The following NNT variants were observed in gnomAD, a reference collection of about 807,000 sequenced individuals.
NNT encodes nicotinamide nucleotide transhydrogenase, also known as NAD(P) transhydrogenase, mitochondrial.
NNT carries 50 observed loss-of-function variants against 104.8 expected under a neutral mutation model. The ratio of observed to expected loss-of-function variants is 0.48; its 90% CI spans 0.38 to 0.60. The LOEUF is 0.60. Ranked by LOEUF, NNT falls within the 20% of genes least tolerant of loss-of-function variation. The pLI, the probability that NNT is intolerant of heterozygous loss-of-function variation, is 0.00. For missense variants in NNT, 1,131 were observed against 1,330.7 expected, an observed-to-expected ratio of 0.85 and a Z score of 2.33; for synonymous variants, 461 against 490.4, an observed-to-expected ratio of 0.94 and a Z score of 0.79.
intron 19 of NNT, among the ~76,000 whole-genome samples, chr5:43,699,046 T>C (rs1468910051): frequency 6.6e-6 from 1 of 152,070 alleles, no homozygotes; most frequent in African/African-American, 2.4e-5. Flanking sequence ...ATTCACTTCT[T>C]ATGGAGCCCT....
At chr5:43,604,297 G>A (rs117388859) in intron 1 of NNT, among the ~76,000 whole-genome samples, 2 of 152,288 alleles carry the variant, frequency 1.3e-5, no homozygotes, top group East Asian at 1.9e-4. Flanking sequence ...TGGGGCTTAG[G>A]TGCCTACCTA....
chr5:43,651,817 T>C lies in NNT; in HGVS notation c.1796T>C (p.Leu599Pro). The change falls in exon 13 of 22, where the codon CTG becomes CCG. Residue 599 changes from leucine to proline, a missense_variant. Physicochemically the swap from Leu to Pro is moderately conservative, Grantham distance 98. Transcript: ENST00000344920. ...CCCCCAGAATACAACTACCTGTACC[T>C]GCTCCCTGCCGGCACCTTTGTTGGT... ...TDPPEYNYLY[L>P]LPAGTFVGGY... is the part of the protein sequence containing the mutation. 1 of 1,614,202 alleles carries C rather than the reference T, an allele frequency of 6.2e-7. No homozygotes were observed. The highest frequency in any genetic ancestry group is 8.5e-7 in the Non-Finnish European group (1 of 1,180,028).
At chr5:43,639,257 A>T (rs1299295901) in intron 7 of NNT, among the ~76,000 whole-genome samples, 1 of 152,208 alleles carries the variant, frequency 6.6e-6, no homozygotes, top group Non-Finnish European at 1.5e-5. Flanking sequence ...TTATTGAGAA[A>T]ATACATGGTT....
chr5:43,671,066 T>C (rs1253476145), intron 17 of NNT, among the ~76,000 whole-genome samples: 1 of 152,230 alleles, frequency 6.6e-6, no homozygotes, highest in Non-Finnish European at 1.5e-5. Context: ...TTGATATTTG[T>C]TGGTTTAAAG....
intron 3 of NNT, among the ~76,000 whole-genome samples, chr5:43,614,275 C>T (rs527323709): frequency 2.0e-5 from 3 of 152,178 alleles, no homozygotes; most frequent in Non-Finnish European, 4.4e-5. Context: ...AATCCTATAA[C>T]ATAGAATATT....
chr5:43,653,875 A>G (rs1739901017), intron 14 of NNT, among the ~76,000 whole-genome samples: 1 of 152,014 alleles, frequency 6.6e-6, no homozygotes, highest in African/African-American at 2.4e-5. Context: ...TAATCGCTTG[A>G]ACCTGGGATG....
At chr5:43,700,352 C>T in intron 20 of NNT, 115 bp downstream of exon 20, 2 of 655,262 alleles carry the variant, frequency 3.1e-6, no homozygotes, top group Non-Finnish European at 5.3e-6. Flanking sequence ...TGAAAAAGAA[C>T]TTGTACATGG....
At chr5:43,666,745 C>G (rs1740717269) in intron 17 of NNT, 2 of 1,237,260 alleles carry the variant, frequency 1.6e-6, no homozygotes, top group Non-Finnish European at 2.2e-6. Flanking sequence ...GTCCTTCTGT[C>G]CTCACGTTGG....
chr5:43,612,145 A>G (rs1049569153), intron 2 of NNT, among the ~76,000 whole-genome samples: 10 of 152,118 alleles, frequency 6.6e-5, no homozygotes, highest in African/African-American at 4.8e-5. Flanking sequence ...ATTACCTCAT[A>G]GCTGTGCTTA....
chr5:43,662,258 C>G (rs1740409975), intron 17 of NNT, among the ~76,000 whole-genome samples: 1 of 152,094 alleles, frequency 6.6e-6, no homozygotes, highest in African/African-American at 2.4e-5. Context: ...GTTATAGCAA[C>G]CATAGTAAGT....
intron 17 of NNT, among the ~76,000 whole-genome samples, chr5:43,669,757 C>T (rs1055289225): frequency 5.3e-5 from 8 of 152,076 alleles, no homozygotes; most frequent in Admixed American, 2.6e-4. Flanking sequence ...TTTGTTGTGT[C>T]TCTGTCAGGC....
At chr5:43,680,657 A>G (rs1741656296) in intron 19 of NNT, among the ~76,000 whole-genome samples, 1 of 152,140 alleles carries the variant, frequency 6.6e-6, no homozygotes, top group South Asian at 2.1e-4. Context: ...GTTTTCCTTT[A>G]CTTTGCCCAT....
chr5:43,645,293 C>G, intron 9 of NNT, 64 bp from the exon 10 acceptor site: 1 of 1,093,414 alleles, frequency 9.1e-7, no homozygotes, highest in South Asian at 3.1e-5. Flanking sequence ...ATAGTATATT[C>G]CTTAAGCAAT....
intron 14 of NNT, chr5:43,653,723 T>C (rs1739891776): frequency 6.6e-6 from 1 of 152,294 alleles, no homozygotes; most frequent in Non-Finnish European, 1.5e-5. Flanking sequence ...GGGAGGCTGA[T>C]GTGGGTGGAT....
In NNT at chr5:43,612,944, A is replaced by T. The variant is rs35201656; in HGVS notation, c.188A>T (p.Lys63Ile). The T allele has an allele frequency of 1.2e-6, 2 of 1,613,950 alleles. No individual in the cohort carries two copies. The highest frequency in any genetic ancestry group is 2.2e-5 in the South Asian group (2 of 91,072). Residue 63 changes from lysine to isoleucine, a missense_variant, in exon 3 of 22, where the codon AAA becomes ATA. Lys to Ile is a moderately radical substitution (Grantham distance 102). Transcript: ENST00000344920. ...AAGCAACTGACTGTTGGAGTCCCCA[A>T]AGAGATATTCCAAAATGAGAAGCGA... Reference protein sequence around the residue: ...PYKQLTVGVPKEIFQNEKRVA... With the variant: ...PYKQLTVGVPIEIFQNEKRVA...
intron 7 of NNT, among the ~76,000 whole-genome samples, chr5:43,637,330 A>T (rs1045199810): frequency 1.3e-5 from 2 of 152,162 alleles, no homozygotes; most frequent in African/African-American, 2.4e-5. Context: ...TTATTCTCAC[A>T]TGCATACATA....
At chr5:43,665,206 T>TTTTA (rs752285609) in intron 17 of NNT, among the ~76,000 whole-genome samples, 132 of 149,580 alleles carry the variant, frequency 8.8e-4, no homozygotes, top group African/African-American at 2.8e-3. Flanking sequence ...TTTTCTGGTA[T>TTTTA]TTTATTTATT....
intron 17 of NNT, among the ~76,000 whole-genome samples, chr5:43,671,555 C>G (rs1741090915): frequency 6.6e-6 from 1 of 152,280 alleles, no homozygotes; most frequent in East Asian, 1.9e-4. Flanking sequence ...CTTAGTTTGG[C>G]TGGATATGAA....
intron 17 of NNT, among the ~76,000 whole-genome samples, chr5:43,661,636 C>T (rs1006354246): frequency 6.9e-6 from 1 of 144,484 alleles, no homozygotes; most frequent in African/African-American, 2.6e-5. Context: ...GTTCAATTCC[C>T]ACCTATGAGT....
Sources: gnomAD v4.1 joint callset for allele counts (sites outside exome capture counted in the v4.1 genomes callset) on GRCh38, gnomAD v4.1.1 for gene constraint, MANE v1.5 for transcripts, NCBI Gene and HGNC (gene_info 2026-07-23, HGNC 2026-07-21) for gene names.